RASL10A: variants seen among roughly 807,000 people sequenced by gnomAD.
RASL10A encodes the protein RAS like family 10 member A, also known as ras-like protein family member 10A.
RASL10A carries 13 observed loss-of-function variants against 17.3 expected under a neutral mutation model. The ratio of observed to expected loss-of-function variants is 0.75; its 90% CI spans 0.49 to 1.20. The LOEUF (loss-of-function observed/expected upper bound fraction) is 1.20. RASL10A is among the 50% of genes most tolerant of loss of function. RASL10A has a pLI of 0.00. For missense variants in RASL10A, 307 were observed against 310.3 expected, an observed-to-expected ratio of 0.99 and a Z score of 0.08; for synonymous variants, 159 against 142.2, an observed-to-expected ratio of 1.12 and a Z score of -0.84.
At chr22:29,318,157 C>G (rs143063109), upstream of RASL10A, among the ~76,000 whole-genome samples, 139 of 152,340 alleles carry the variant, frequency 9.1e-4, no homozygotes, top group African/African-American at 3.1e-3. Context: ...GGAAGGGGCA[C>G]TGTGGACTGG....
chr22:29,318,271 G>C (rs533405005), upstream of RASL10A, among the ~76,000 whole-genome samples: 5 of 152,324 alleles, frequency 3.3e-5, no homozygotes, highest in South Asian at 1.0e-3. Flanking sequence ...AAGGGCCTGC[G>C]ATGTGCCAAG....
chr22:29,317,984 C>A (rs561889927), upstream of RASL10A, among the ~76,000 whole-genome samples: 1 of 152,260 alleles, frequency 6.6e-6, no homozygotes, highest in Non-Finnish European at 1.5e-5. Flanking sequence ...CTGCGCCCGG[C>A]CAGGACGGTC....
upstream of RASL10A, among the ~76,000 whole-genome samples, chr22:29,318,655 CTCA>C (rs2061463892): frequency 6.6e-6 from 1 of 152,202 alleles, no homozygotes; most frequent in Non-Finnish European, 1.5e-5. Flanking sequence ...TCAGGGTTCT[CTCA>C]TCAGTCCCCT....
At chr22:29,314,222 C>T (rs2061439248) in intron 1 of RASL10A, 4 of 509,164 alleles carry the variant, frequency 7.9e-6, no homozygotes, top group South Asian at 7.6e-5. Context: ...CTCTGTTTAC[C>T]CCGAATCTTC....
At position 29,313,226 on chromosome 22, in the gene RASL10A, G is replaced by A; in HGVS notation, c.*75C>T. The A allele has an allele frequency of 7.0e-7, 1 of 1,420,312 alleles. No individual in the cohort carries two copies. The highest frequency in any genetic ancestry group is 1.5e-5 in the South Asian group (1 of 65,798). 88.0% of individuals were successfully genotyped at this position (1,420,312 alleles called of 1,614,324 possible). ...CCCTGTCCAGTCCCAGTGAAGTTGGGCGATCCCGTCCAATCCAGGTCCCTG... is the reference window on the plus strand; with the variant it reads ...CCCTGTCCAGTCCCAGTGAAGTTGGACGATCCCGTCCAATCCAGGTCCCTG... On this transcript the variant is annotated 3_prime_UTR_variant, in exon 3 of 3. Transcript: ENST00000216101.
In RASL10A at chr22:29,315,039, C is replaced by G; in HGVS notation, c.208G>C (p.Gly70Arg). The change falls in exon 1 of 3, where the codon GGG (glycine) becomes CGG (arginine). Residue 70 changes from glycine to arginine, a missense_variant. Transcript: ENST00000216101. This position sits in a 1 kb window ranked among gnomAD's most constrained non-coding sequence, Gnocchi z 5.5. ...GDVAGPGSSPGGPEEWPDAKD... is the reference protein window; with the variant it reads ...GDVAGPGSSPRGPEEWPDAKD... Reference sequence around the variant, plus strand: ...CCTCGAGCCGCTACCTCCGGACCCCCGGGGCTCGAGCCGGGGCCAGCGACG... The same window carrying G: ...CCTCGAGCCGCTACCTCCGGACCCCGGGGGCTCGAGCCGGGGCCAGCGACG... 6.6e-7 allele frequency: 1 copy of G among 1,510,416 alleles called. No homozygotes were observed. Among genetic ancestry groups the G allele is most frequent in the South Asian group, 1.2e-5 (1 of 81,182 alleles). The allele number at this position is 1,510,416 out of a possible 1,614,324, so 93.6% of individuals were successfully genotyped here. A position where few individuals can be genotyped will look rare whatever the true frequency, so the allele number is the denominator to read the frequency against.
Position 29,315,309 on chromosome 22 carries a change from C to A in RASL10A, c.-63G>T, listed in dbSNP as rs2061447227. 1.7e-6 allele frequency: 2 copies of A among 1,153,274 alleles called. No homozygotes were observed. The highest frequency in any genetic ancestry group is 3.2e-5 in the African/African-American group (2 of 62,024). The allele number at this position is 1,153,274 out of a possible 1,614,324, so 71.4% of individuals were successfully genotyped here. ...TCATGGGCCGGCGCCGCACCGTGCGCCCCCAGGCCGTGCGCCCCGCGCGCC... is the reference window on the plus strand; with the variant it reads ...TCATGGGCCGGCGCCGCACCGTGCGACCCCAGGCCGTGCGCCCCGCGCGCC... On this transcript the variant is annotated 5_prime_UTR_variant, in exon 1 of 3. Coordinates refer to ENST00000216101, the MANE Select transcript of RASL10A (RefSeq NM_006477.5). This position sits in a 1 kb window ranked among gnomAD's most constrained non-coding sequence, Gnocchi z 5.5.
chr22:29,316,013 T>C (rs770175073), upstream of RASL10A, among the ~76,000 whole-genome samples: 8 of 152,124 alleles, frequency 5.3e-5, no homozygotes, highest in South Asian at 2.1e-4. Flanking sequence ...GGGGTCCGAA[T>C]TGGGGGGGGC....
rs752913832 is a variant in RASL10A, at chr22:29,313,512, T to C, written c.401A>G (p.Gln134Arg). Residue 134 changes from glutamine (Q) to arginine (R), a missense_variant, in exon 3 of 3, where the codon CAG becomes CGG. Transcript: ENST00000216101. The part of the protein sequence containing the change: ...ILVVGNKRDR[Q>R]RLRFGPRRAL... The stretch of plus-strand genomic sequence containing the variant: ...GCGCCGCGGTCCGAAGCGCAGCCGC[T>C]GCCTGTCCCGCTTGTTGCCTACCAC... 6.4e-7 allele frequency: 1 copy of C among 1,572,862 alleles called. No homozygotes were observed. The highest frequency in any genetic ancestry group is 8.6e-7 in the Non-Finnish European group (1 of 1,167,704).
chr22:29,317,618 A>C (rs1233249344), upstream of RASL10A, among the ~76,000 whole-genome samples: 1 of 152,200 alleles, frequency 6.6e-6, no homozygotes, highest in Non-Finnish European at 1.5e-5. Flanking sequence ...GGCAAGGAGT[A>C]AATAACAAGG....
intron 1 of RASL10A, 170 bp from the exon 2 acceptor site, chr22:29,314,157 T>C: frequency 1.1e-6 from 1 of 897,838 alleles, no homozygotes; most frequent in Non-Finnish European, 1.6e-6. Flanking sequence ...CAGGGTAAAA[T>C]TTTCCAAATC....
upstream of RASL10A, chr22:29,316,712 T>C (rs2061455954): frequency 6.6e-6 from 1 of 152,210 alleles, no homozygotes. Flanking sequence ...ATGGCGGCAA[T>C]GCTCAAGAAA....
rs1182034962 is a variant in RASL10A at position 29,313,322 on chromosome 22, G to A, written c.591C>T (p.Pro197=). 1 of 1,526,994 alleles carries A rather than the reference G, an allele frequency of 6.5e-7. No homozygotes were observed. The highest frequency in any genetic ancestry group is 1.7e-4 in the Middle Eastern group (1 of 5,764). The allele number at this position is 1,526,994 out of a possible 1,614,324, so 94.6% of individuals were successfully genotyped here. Residue 197 remains proline (P), a synonymous_variant, in exon 3 of 3, where the codon CCC becomes CCT. Coordinates refer to ENST00000216101, the MANE Select transcript of RASL10A (RefSeq NM_006477.5). ...PALRLQGALH[P]ARCSLM ...CGGGTCACATGAGGCTGCAGCGCGC[G>A]GGATGCAGCGCCCCCTGCAGGCGCA...
upstream of RASL10A, among the ~76,000 whole-genome samples, chr22:29,318,277 C>A (rs1030921218): frequency 2.6e-5 from 4 of 152,206 alleles, no homozygotes; most frequent in African/African-American, 9.6e-5. Context: ...CTGCGATGTG[C>A]CAAGCCTGAC....
intron 2 of RASL10A, 59 bp downstream of exon 2, chr22:29,313,804 G>T: frequency 6.2e-7 from 1 of 1,600,934 alleles, no homozygotes; most frequent in South Asian, 1.1e-5. Context: ...ACTCTCCTCA[G>T]GCAAAGGCCC....
chr22:29,315,689 C>T lies in RASL10A; in HGVS notation c.-443G>A, dbSNP rs1404518283. 1 of 152,192 alleles carries T rather than the reference C, an allele frequency of 6.6e-6. No homozygotes were observed. Among genetic ancestry groups the T allele is most frequent in the African/African-American group, 2.4e-5 (1 of 41,454 alleles). 9.4% of individuals were successfully genotyped at this position (152,192 alleles called of 1,614,324 possible). A position where few individuals can be genotyped will look rare whatever the true frequency, so the allele number is the denominator to read the frequency against. The stretch of plus-strand genomic sequence containing the variant: ...CCTCTATCCTTCTCTCGCTTCCGCG[C>T]CTGGAGTCGCCGCCCCAGCCGCCGG... On this transcript the variant is annotated 5_prime_UTR_variant, in exon 1 of 3. Coordinates refer to ENST00000216101, the MANE Select transcript of RASL10A (RefSeq NM_006477.5). This position sits in a 1 kb window ranked among gnomAD's most constrained non-coding sequence, Gnocchi z 5.5.
At chr22:29,313,684 C>T in intron 2 of RASL10A, 116 bp from the exon 3 acceptor site, 1 of 1,407,126 alleles carries the variant, frequency 7.1e-7, no homozygotes, top group Non-Finnish European at 9.4e-7. Flanking sequence ...GCCCCCCCCG[C>T]CGCCCCAACG....
chr22:29,313,611 C>T (rs2061434306), intron 2 of RASL10A, 43 bp from the exon 3 acceptor site: 3 of 1,489,936 alleles, frequency 2.0e-6, no homozygotes, highest in Admixed American at 4.6e-5. Context: ...ACCCCACGGC[C>T]GGAGAATTCC....
upstream of RASL10A, among the ~76,000 whole-genome samples, chr22:29,317,785 A>G (rs1295188838): frequency 6.6e-6 from 1 of 152,130 alleles, no homozygotes. Flanking sequence ...CCTGGGTTCA[A>G]GCAATTCTCC....
Sources: gnomAD v4.1 joint callset for allele counts (sites outside exome capture counted in the v4.1 genomes callset) on GRCh38, gnomAD v4.1.1 for gene constraint, Gnocchi (gnomAD v3.1) non-coding constraint, MANE v1.5 for transcripts, NCBI Gene and HGNC (gene_info 2026-07-23, HGNC 2026-07-21) for gene names.